Variants in PDIA3 observed in about 807,000 individuals in gnomAD.
The protein encoded by PDIA3 is protein disulfide-isomerase A3.
In PDIA3, 16 loss-of-function variants were observed where a neutral mutation model predicts 56.9. The ratio of observed to expected loss-of-function variants is 0.28; its 90% confidence interval spans 0.19 to 0.43. The LOEUF (loss-of-function observed/expected upper bound fraction) is 0.43, where lower values mean the gene tolerates loss of function less well. Among genes scored for constraint, PDIA3 ranks in the 20% least tolerant of loss-of-function variants. The pLI, the probability that PDIA3 is intolerant of heterozygous loss-of-function variation, is 1.00. For missense variants in PDIA3, 485 were observed against 621.3 expected (o/e 0.78, Z 2.33); for synonymous variants, 192 against 216.5 (o/e 0.89, Z 0.99).
chr15:43,761,509 T>C lies in PDIA3; in HGVS notation c.450T>C (p.Ser150=), dbSNP rs1452607151. The C allele has an allele frequency of 1.9e-6, 3 of 1,555,806 alleles. No homozygotes were observed. In the South Asian group the frequency reaches 3.4e-5, roughly 17 times the overall value. Residue 150 remains serine (S), a synonymous_variant, in exon 4 of 13, where the codon AGT becomes AGC. Transcript: ENST00000300289. ...AGGAAGAATTTAAGAAATTCATTAG[T>C]GATAAAGATGCCTCTATAGTAGGTA... ...RTEEEFKKFI[S]DKDASIVGFF... is the part of the protein sequence containing the mutation.
At chr15:43,766,441 C>T (rs916079766) in intron 7 of PDIA3, among the ~76,000 whole-genome samples, 2 of 152,262 alleles carry the variant, frequency 1.3e-5, no homozygotes, top group South Asian at 2.1e-4. Flanking sequence ...ATTTTGTTTT[C>T]AGATCAGTTA....
rs768698191 is a variant in PDIA3, at chr15:43,751,579, C to G, written c.168-2245C>G. The stretch of plus-strand genomic sequence containing the variant: ...AACCCTGATTTCCCTTAAATACCAC[C>G]TGAGTTCCATTCCTGCTGGATTTGA... On this transcript the variant is annotated intron_variant, in intron 1 of 12. Coordinates refer to ENST00000300289, the MANE Select transcript of PDIA3 (RefSeq NM_005313.5). 3.8e-6 allele frequency: 5 copies of G among 1,303,692 alleles called. No individual in the cohort carries two copies. In the African/African-American group the frequency reaches 6.1e-5, roughly 16 times the overall value. The allele number at this position is 1,303,692 out of a possible 1,614,324, so 80.8% of individuals were successfully genotyped here.
rs1377425421 is a variant in PDIA3 at position 43,746,796 on chromosome 15, G to C, written c.167+90G>C. ...AACTGTTGGGCCTACGCAGCGCCGGGGCCCTTCATTCCTGTGGGCCCCTGC... is the reference window on the plus strand; with the variant it reads ...AACTGTTGGGCCTACGCAGCGCCGGCGCCCTTCATTCCTGTGGGCCCCTGC... On this transcript the variant is annotated intron_variant, in intron 1 of 12. Coordinates refer to ENST00000300289, the MANE Select transcript of PDIA3 (RefSeq NM_005313.5). 4.1e-5 allele frequency: 58 copies of C among 1,420,956 alleles called. 1 individual carries two copies. Among genetic ancestry groups the C allele is most frequent in the Middle Eastern group, 1.8e-4 (1 of 5,534 alleles). 88.0% of individuals were successfully genotyped at this position (1,420,956 alleles called of 1,614,324 possible). A position where few individuals can be genotyped will look rare whatever the true frequency, so the allele number is the denominator to read the frequency against.
intron 8 of PDIA3, among the ~76,000 whole-genome samples, chr15:43,767,470 CT>C (rs2086854976): frequency 1.3e-5 from 2 of 151,650 alleles, no homozygotes; most frequent in South Asian, 4.2e-4. Flanking sequence ...CATGATTCCA[CT>C]TGGTCATTAG....
intron 9 of PDIA3, 57 bp from the exon 10 acceptor site, chr15:43,769,461 A>G: frequency 6.5e-7 from 1 of 1,543,264 alleles, no homozygotes; most frequent in South Asian, 1.1e-5. Flanking sequence ...AGGAACAAAT[A>G]CAGTTGTGAA....
At chr15:43,769,832 C>T (rs773737702) in intron 10 of PDIA3, among the ~76,000 whole-genome samples, 186 bp downstream of exon 10, 1 of 152,212 alleles carries the variant, frequency 6.6e-6, no homozygotes. Flanking sequence ...CTGAGATACC[C>T]ACTTTTAACA....
At chr15:43,756,575 G>A in intron 2 of PDIA3, 74 bp from the exon 3 acceptor site, 1 of 853,018 alleles carries the variant, frequency 1.2e-6, no homozygotes, top group Middle Eastern at 3.5e-4. Context: ...ACCAATCCTA[G>A]TATTTTGAGA....
At chr15:43,765,025 GAA>G (rs2086839263) in intron 5 of PDIA3, among the ~76,000 whole-genome samples, 1 of 152,140 alleles carries the variant, frequency 6.6e-6, no homozygotes, top group African/African-American at 2.4e-5. Flanking sequence ...TGTGGTACTA[GAA>G]AAGAGTCCTT....
chr15:43,767,704 A>G (rs1408295752), intron 8 of PDIA3, among the ~76,000 whole-genome samples: 1 of 141,484 alleles, frequency 7.1e-6, no homozygotes. Flanking sequence ...CGGGAGGAAG[A>G]GGTTGCAGTG....
At chr15:43,767,894 C>T (rs1057027415) in intron 8 of PDIA3, among the ~76,000 whole-genome samples, 3 of 151,804 alleles carry the variant, frequency 2.0e-5, no homozygotes, top group Non-Finnish European at 4.4e-5. Flanking sequence ...ATCACTTGAT[C>T]ACTTGAGCCC....
intron 1 of PDIA3, among the ~76,000 whole-genome samples, chr15:43,748,633 T>G (rs368260373): frequency 1.3e-5 from 2 of 152,202 alleles, no homozygotes; most frequent in East Asian, 3.8e-4. Flanking sequence ...TTTAATTGGT[T>G]TAAAAGAAAA....
intron 8 of PDIA3, among the ~76,000 whole-genome samples, chr15:43,768,020 T>C (rs917133448): frequency 1.3e-5 from 2 of 150,434 alleles, no homozygotes; most frequent in East Asian, 1.9e-4. Flanking sequence ...ACCAAACCAT[T>C]CCCCCCCCTC....
At chr15:43,763,878 A>T (rs1374789605) in intron 5 of PDIA3, among the ~76,000 whole-genome samples, 1 of 152,140 alleles carries the variant, frequency 6.6e-6, no homozygotes, top group Non-Finnish European at 1.5e-5. Flanking sequence ...ATTATTCCAG[A>T]TAGAGCACCA....
At chr15:43,769,352 A>C (rs559519767) in intron 9 of PDIA3, among the ~76,000 whole-genome samples, 166 bp from the exon 10 acceptor site, 156 of 152,314 alleles carry the variant, frequency 1.0e-3, no homozygotes, top group Non-Finnish European at 1.9e-3. Context: ...GTTGGTATCT[A>C]GTGAATGACA....
intron 7 of PDIA3, 132 bp from the exon 8 acceptor site, chr15:43,766,596 A>G (rs1481444724): frequency 1.4e-6 from 1 of 694,302 alleles, no homozygotes; most frequent in African/African-American, 1.8e-5. Context: ...AAGAGCTCAG[A>G]CTGTTCAGAC....
intron 5 of PDIA3, 96 bp from the exon 6 acceptor site, chr15:43,765,354 C>T: frequency 1.3e-6 from 1 of 762,192 alleles, no homozygotes; most frequent in African/African-American, 1.7e-5. Flanking sequence ...GCACTCCAGC[C>T]TGAGCAACAG....
intron 1 of PDIA3, among the ~76,000 whole-genome samples, chr15:43,748,490 C>T (rs935293190): frequency 6.6e-6 from 1 of 151,520 alleles, no homozygotes; most frequent in Non-Finnish European, 1.5e-5. Flanking sequence ...AAAAAAAAAA[C>T]CAGAATTTTT....
chr15:43,770,053 T>A, intron 10 of PDIA3, among the ~76,000 whole-genome samples, 197 bp from the exon 11 acceptor site: 1 of 152,192 alleles, frequency 6.6e-6, no homozygotes, highest in East Asian at 1.9e-4. Context: ...GAAAGTGAGG[T>A]ACTACCATCT....
intron 3 of PDIA3, among the ~76,000 whole-genome samples, chr15:43,760,938 A>G (rs1165448057): frequency 6.6e-6 from 1 of 151,798 alleles, no homozygotes; most frequent in Non-Finnish European, 1.5e-5. Context: ...CTGGAAGGAT[A>G]TACAAGCAAC....
Sources: allele counts gnomAD v4.1 joint callset (sites outside exome capture counted in the v4.1 genomes callset), GRCh38; gene constraint gnomAD v4.1.1; transcripts MANE v1.5; gene names NCBI Gene and HGNC (gene_info 2026-07-23, HGNC 2026-07-21).